TMEM163: variants seen among roughly 807,000 people sequenced by gnomAD.
TMEM163 encodes transmembrane protein 163.
Under a neutral mutation model 29.3 loss-of-function variants are expected in TMEM163, and 17 were observed. That is an observed-to-expected ratio of 0.58 (90% CI 0.40 to 0.87). The LOEUF (loss-of-function observed/expected upper bound fraction) is 0.87. TMEM163 is among the 40% of genes least tolerant of loss of function. TMEM163 has a pLI of 0.00. For synonymous variants in TMEM163, 157 were observed against 160.6 expected (o/e 0.98, Z 0.17); for missense variants, 303 against 381.5 (o/e 0.79, Z 1.71).
intron 2 of TMEM163, among the ~76,000 whole-genome samples, chr2:134,585,158 C>A (rs527967580): frequency 1.3e-5 from 2 of 152,304 alleles, no homozygotes; most frequent in South Asian, 4.1e-4. Context: ...AAAGAGATGG[C>A]AACCTCGTCC....
chr2:134,716,556 G>T (rs529083899), intron 1 of TMEM163, among the ~76,000 whole-genome samples: 8 of 152,288 alleles, frequency 5.3e-5, no homozygotes, highest in African/African-American at 1.4e-4. Context: ...TCTACAGACA[G>T]CCTATAGGTA....
chr2:134,672,497 T>C (rs1684015898), intron 2 of TMEM163, among the ~76,000 whole-genome samples: 3 of 152,262 alleles, frequency 2.0e-5, no homozygotes, highest in Admixed American at 2.0e-4. Context: ...TCCTCTCACC[T>C]TAGCCTCCCC....
At chr2:134,704,731 A>G (rs1329171473) in intron 2 of TMEM163, among the ~76,000 whole-genome samples, 2 of 152,200 alleles carry the variant, frequency 1.3e-5, no homozygotes, top group Admixed American at 1.3e-4. Context: ...TCCCCTCCTC[A>G]GCCCACACAG....
At chr2:134,603,454 T>G (rs1159328682) in intron 2 of TMEM163, among the ~76,000 whole-genome samples, 1 of 152,112 alleles carries the variant, frequency 6.6e-6, no homozygotes, top group Non-Finnish European at 1.5e-5. Flanking sequence ...AGAAGCCCCA[T>G]CAAAGAAAGC....
At chr2:134,668,824 A>G (rs1263395523) in intron 2 of TMEM163, among the ~76,000 whole-genome samples, 1 of 152,108 alleles carries the variant, frequency 6.6e-6, no homozygotes, top group Admixed American at 6.5e-5. Context: ...GTATATATAT[A>G]TTTGCAGGCA....
intron 2 of TMEM163, among the ~76,000 whole-genome samples, chr2:134,588,080 C>T (rs1681860231): frequency 6.6e-6 from 1 of 152,174 alleles, no homozygotes; most frequent in South Asian, 2.1e-4. Flanking sequence ...GTCTACTTAC[C>T]CTGTGGTCCT....
Position 134,601,412 on chromosome 2 carries a change from C to G in TMEM163, c.323-49321G>C, listed in dbSNP as rs146278546. On this transcript the variant is annotated intron_variant, in intron 2 of 7. Transcript: ENST00000281924. The stretch of plus-strand genomic sequence containing the variant: ...ACATCGCCAGCGATCCATCTGGCAG[C>G]ATGTTAATAAGAGCAGCAGGAGAAG... Among the ~76,000 whole-genome samples, 11 of 152,292 alleles carry G rather than the reference C, an allele frequency of 7.2e-5. No individual in the cohort carries two copies. In the East Asian group the frequency reaches 2.1e-3, roughly 29 times the overall value.
At chr2:134,493,291 G>T (rs917263553) in intron 5 of TMEM163, among the ~76,000 whole-genome samples, 11 of 149,086 alleles carry the variant, frequency 7.4e-5, no homozygotes, top group Non-Finnish European at 1.6e-4. Context: ...GTGGTGTCTT[G>T]GAAGAGCAAA....
intron 5 of TMEM163, among the ~76,000 whole-genome samples, chr2:134,490,325 GCT>G (rs1679403204): frequency 6.6e-6 from 1 of 152,098 alleles, no homozygotes; most frequent in African/African-American, 2.4e-5. Context: ...GCACTTCATG[GCT>G]CTTTCCTCTT....
Position 134,578,714 on chromosome 2 carries a change from T to C in TMEM163, c.323-26623A>G, listed in dbSNP as rs1054028521. Among the ~76,000 whole-genome samples the C allele has an allele frequency of 1.1e-4, 16 of 152,178 alleles. 1 individual carries two copies. Among genetic ancestry groups the C allele is most frequent in the African/African-American group, 3.6e-4 (15 of 41,448 alleles). On this transcript the variant is annotated intron_variant, in intron 2 of 7. Coordinates refer to ENST00000281924, the MANE Select transcript of TMEM163 (RefSeq NM_030923.5). The stretch of plus-strand genomic sequence containing the variant: ...GGCCTAGACTCAGCAATTCAGATCA[T>C]GTAAAATCTCATGGCCTAAGAGATA...
chr2:134,608,777 A>AGGG (rs1682421800), intron 2 of TMEM163, among the ~76,000 whole-genome samples: 1 of 42,192 alleles, frequency 2.4e-5, no homozygotes, highest in Non-Finnish European at 5.3e-5. Flanking sequence ...GGTGAAAAGG[A>AGGG]CAGACCCCGA....
intron 4 of TMEM163, among the ~76,000 whole-genome samples, chr2:134,541,055 T>C (rs1680653172): frequency 6.6e-6 from 1 of 152,192 alleles, no homozygotes; most frequent in African/African-American, 2.4e-5. Flanking sequence ...AAAACACCCA[T>C]GGCATTGCAG....
chr2:134,525,016 G>C (rs1486862385), intron 4 of TMEM163, among the ~76,000 whole-genome samples: 1 of 152,086 alleles, frequency 6.6e-6, no homozygotes, highest in Admixed American at 6.5e-5. Context: ...TTTCTCCACA[G>C]CCTCGCCAAC....
At chr2:134,522,982 G>A (rs1680219317) in intron 4 of TMEM163, among the ~76,000 whole-genome samples, 1 of 152,216 alleles carries the variant, frequency 6.6e-6, no homozygotes, top group Non-Finnish European at 1.5e-5. Flanking sequence ...AGATGGGATA[G>A]AACCACACCG....
intron 2 of TMEM163, among the ~76,000 whole-genome samples, chr2:134,664,251 C>T (rs1162552132): frequency 6.6e-6 from 1 of 152,210 alleles, no homozygotes; most frequent in Non-Finnish European, 1.5e-5. Context: ...CAGCGCCTAG[C>T]TCAGTGGACA....
At chr2:134,609,005 C>T (rs1682427972) in intron 2 of TMEM163, among the ~76,000 whole-genome samples, 1 of 99,562 alleles carries the variant, frequency 1.0e-5, no homozygotes, top group African/African-American at 4.4e-5. Flanking sequence ...AAAGGACAGA[C>T]CCCGAGAACT....
intron 2 of TMEM163, among the ~76,000 whole-genome samples, chr2:134,611,889 C>T (rs1169866679): frequency 3.3e-5 from 5 of 152,172 alleles, no homozygotes. Flanking sequence ...AGGAAAGTAA[C>T]CAAACACTAG....
intron 4 of TMEM163, among the ~76,000 whole-genome samples, chr2:134,524,892 G>C (rs1488200039): frequency 6.7e-6 from 1 of 150,030 alleles, no homozygotes; most frequent in African/African-American, 2.4e-5. Context: ...CCCAGTAATG[G>C]GATTGCTGTG....
intron 5 of TMEM163, among the ~76,000 whole-genome samples, chr2:134,499,181 T>TATA (rs112878592): frequency 0.13 from 20,196 of 152,222 alleles, 1,673 homozygotes; most frequent in Middle Eastern, 0.3. Context: ...ATTAAAAAAA[T>TATA]ATAATAACTA....
Sources: allele counts gnomAD v4.1 joint callset (sites outside exome capture counted in the v4.1 genomes callset), GRCh38; gene constraint gnomAD v4.1.1; transcripts MANE v1.5; gene names NCBI Gene and HGNC (gene_info 2026-07-23, HGNC 2026-07-21).